Variants in GML observed in about 807,000 individuals in gnomAD.
GML encodes the protein glycosylphosphatidylinositol anchored molecule like.
GML carries 5 observed loss-of-function variants against 8.2 expected under a neutral mutation model. That is an observed-to-expected ratio of 0.61 (90% CI 0.32 to 1.28). The LOEUF (loss-of-function observed/expected upper bound fraction) is 1.28. Among genes scored for constraint, GML ranks in the 50% most tolerant of loss-of-function variants. The pLI is 0.06. For synonymous variants in GML, 72 were observed against 69.0 expected (o/e 1.04, Z -0.22); for missense variants, 191 against 198.3 (o/e 0.96, Z 0.22).
At chr8:142,837,354 G>C (rs1455945317) in intron 1 of GML, among the ~76,000 whole-genome samples, 1 of 151,740 alleles carries the variant, frequency 6.6e-6, no homozygotes, top group Non-Finnish European at 1.5e-5. Flanking sequence ...ACATATTGCT[G>C]TCTGAGTTTC....
intron 1 of GML, among the ~76,000 whole-genome samples, chr8:142,836,102 C>T (rs1816339025): frequency 6.6e-6 from 1 of 152,194 alleles, no homozygotes; most frequent in South Asian, 2.1e-4. Flanking sequence ...TTCTTGTGCT[C>T]TGTAAGCTGT....
intron 1 of GML, among the ~76,000 whole-genome samples, chr8:142,839,444 T>C (rs116280313): frequency 1.9e-3 from 290 of 152,300 alleles, no homozygotes; most frequent in African/African-American, 6.6e-3. Flanking sequence ...GGGTGTGGCT[T>C]CTTGCTGCAC....
At chr8:142,840,549 G>A in intron 2 of GML, 39 bp downstream of exon 2, 1 of 1,433,462 alleles carries the variant, frequency 7.0e-7, no homozygotes, top group Non-Finnish European at 9.8e-7. Context: ...GAGAGGACGA[G>A]AATTCACCTG....
chr8:142,839,229 G>A (rs1816388883), intron 1 of GML, among the ~76,000 whole-genome samples: 1 of 152,142 alleles, frequency 6.6e-6, no homozygotes, highest in Non-Finnish European at 1.5e-5. Context: ...CTGGCTGGAC[G>A]AGTCAGGAGC....
chr8:142,837,017 T>G (rs999827637), intron 1 of GML, among the ~76,000 whole-genome samples: 4 of 152,120 alleles, frequency 2.6e-5, no homozygotes, highest in Admixed American at 1.3e-4. Context: ...ATTTTTAAAA[T>G]TTGCAGTGGC....
At chr8:142,836,277 G>A (rs1298079223) in intron 1 of GML, among the ~76,000 whole-genome samples, 1 of 145,398 alleles carries the variant, frequency 6.9e-6, no homozygotes, top group Non-Finnish European at 1.5e-5. Flanking sequence ...GGCAGTGTCA[G>A]AATTGAATTG....
intron 1 of GML, 77 bp downstream of exon 1, chr8:142,834,945 C>CG: frequency 1.1e-5 from 1 of 87,344 alleles, no homozygotes; most frequent in African/African-American, 5.0e-5. Flanking sequence ...GCAGCCTCCT[C>CG]GTCAGCTGCT....
intron 1 of GML, among the ~76,000 whole-genome samples, chr8:142,836,709 G>T (rs1329466205): frequency 6.6e-6 from 1 of 152,206 alleles, no homozygotes; most frequent in Non-Finnish European, 1.5e-5. Context: ...CTCTCCAGGA[G>T]CCTGTGGGAA....
chr8:142,840,882 C>T (rs764202428), intron 2 of GML, among the ~76,000 whole-genome samples: 5 of 152,152 alleles, frequency 3.3e-5, no homozygotes, highest in Non-Finnish European at 7.4e-5. Context: ...CCACCAGTGG[C>T]GCTCTCTGGA....
chr8:142,841,176 C>G lies in GML; in HGVS notation c.132C>G (p.Asn44Lys). Reference protein sequence around the residue: ...CAVINDFNCPNIRVCPYHIRR... With the variant: ...CAVINDFNCPKIRVCPYHIRR... Reference sequence around the variant, plus strand: ...TCATAAATGACTTCAACTGTCCCAACATTAGAGTATGTCCGTATCATATTA... The same window carrying G: ...TCATAAATGACTTCAACTGTCCCAAGATTAGAGTATGTCCGTATCATATTA... The change falls in exon 3 of 4, where the codon AAC (asparagine) becomes AAG (lysine). Residue 44 changes from asparagine (N) to lysine (K), a missense_variant. Asn to Lys is a moderately conservative substitution (Grantham distance 94). Coordinates refer to ENST00000220940, the MANE Select transcript of GML (RefSeq NM_002066.3). 1 of 1,586,618 alleles carries G rather than the reference C, an allele frequency of 6.3e-7. No homozygotes were observed. Among genetic ancestry groups the G allele is most frequent in the Non-Finnish European group, 8.7e-7 (1 of 1,155,182 alleles).
intron 1 of GML, among the ~76,000 whole-genome samples, chr8:142,835,187 T>G (rs911323318): frequency 3.4e-5 from 5 of 146,838 alleles, no homozygotes; most frequent in African/African-American, 9.9e-5. Context: ...CTGGGGGACC[T>G]CTCGAGCTCC....
At position 142,846,521 on chromosome 8, in the gene GML, G is replaced by C; in HGVS notation, c.308G>C (p.Cys103Ser). Reference protein sequence around the residue: ...IFKTNSFYWVCCCNSMVCNAG... With the variant: ...IFKTNSFYWVSCCNSMVCNAG... ...AAAACTAATAGCTTCTACTGGGTTT[G>C]TTGTTGTAATAGCATGGTTTGCAAT... The change falls in exon 4 of 4, where the codon TGT becomes TCT. Residue 103 changes from cysteine to serine, a missense_variant. Coordinates refer to ENST00000220940, the MANE Select transcript of GML (RefSeq NM_002066.3). 1.9e-6 allele frequency: 3 copies of C among 1,614,084 alleles called. No individual in the cohort carries two copies. In the South Asian group the frequency reaches 3.3e-5, roughly 18 times the overall value.
At position 142,846,381 on chromosome 8, in the gene GML, G is replaced by T. The variant is rs770646887; in HGVS notation, c.182-14G>T. 1.3e-6 allele frequency: 2 copies of T among 1,552,228 alleles called. No homozygotes were observed. The highest frequency in any genetic ancestry group is 1.7e-5 in the Admixed American group (1 of 57,354). ...TGTGAAATCAATTATTTTCATTGCTGCTTCTTTTTTTAGGCATAAATTCTC... is the reference window on the plus strand; with the variant it reads ...TGTGAAATCAATTATTTTCATTGCTTCTTCTTTTTTTAGGCATAAATTCTC... On this transcript the variant is annotated splice_polypyrimidine_tract_variant and intron_variant, in intron 3 of 3. Coordinates refer to ENST00000220940, the MANE Select transcript of GML (RefSeq NM_002066.3).
intron 3 of GML, among the ~76,000 whole-genome samples, chr8:142,845,588 G>A (rs1373893653): frequency 2.0e-5 from 3 of 152,206 alleles, no homozygotes; most frequent in East Asian, 3.8e-4. Flanking sequence ...TGTAAACACT[G>A]GATAGACTTC....
intron 3 of GML, among the ~76,000 whole-genome samples, chr8:142,843,769 T>C (rs1451766692): frequency 6.6e-6 from 1 of 151,764 alleles, no homozygotes; most frequent in Admixed American, 6.5e-5. Context: ...CAAATCTAAC[T>C]GGATTTGTGC....
intron 3 of GML, among the ~76,000 whole-genome samples, chr8:142,842,264 A>C (rs1816444368): frequency 6.6e-6 from 1 of 152,154 alleles, no homozygotes; most frequent in African/African-American, 2.4e-5. Context: ...CGGAACTGTG[A>C]GTCAGTTAAA....
chr8:142,835,103 C>T (rs1278798735), intron 1 of GML, among the ~76,000 whole-genome samples: 1 of 151,644 alleles, frequency 6.6e-6, no homozygotes, highest in Non-Finnish European at 1.5e-5. Flanking sequence ...CCGCAGGTTC[C>T]TGGGGAGACG....
In GML at chr8:142,846,776, C is replaced by G. The variant is rs541422332; in HGVS notation, c.*86C>G. 8 of 973,738 alleles carry G rather than the reference C, an allele frequency of 8.2e-6. No individual in the cohort carries two copies. Among genetic ancestry groups the G allele is most frequent in the African/African-American group, 4.9e-5 (3 of 61,798 alleles). 60.3% of individuals were successfully genotyped at this position (973,738 alleles called of 1,614,324 possible). A position where few individuals can be genotyped will look rare whatever the true frequency, so the allele number is the denominator to read the frequency against. The stretch of plus-strand genomic sequence containing the variant: ...ATTATTCCCTTCTAAGCCAGAGACC[C>G]TTATCCACTGCTCCTCTAGGTGGCC... On this transcript the variant is annotated 3_prime_UTR_variant, in exon 4 of 4. Coordinates refer to ENST00000220940, the MANE Select transcript of GML (RefSeq NM_002066.3).
intron 2 of GML, among the ~76,000 whole-genome samples, chr8:142,840,898 C>A (rs980790871): frequency 6.6e-6 from 1 of 152,168 alleles, no homozygotes; most frequent in Non-Finnish European, 1.5e-5. Context: ...CTGGAGCCTG[C>A]GTTGGAGAGC....
Sources: allele counts gnomAD v4.1 joint callset (sites outside exome capture counted in the v4.1 genomes callset), GRCh38; gene constraint gnomAD v4.1.1; transcripts MANE v1.5; gene names NCBI Gene and HGNC (gene_info 2026-07-23, HGNC 2026-07-21).